The following SYNE1 variants were observed in gnomAD, a reference collection of about 807,000 sequenced individuals.
SYNE1 encodes spectrin repeat containing nuclear envelope protein 1, also known as nesprin-1.
In SYNE1, 616 loss-of-function variants were observed where a neutral mutation model predicts 1,111.0. The ratio of observed to expected loss-of-function variants is 0.55; its 90% CI spans 0.52 to 0.59. The LOEUF (loss-of-function observed/expected upper bound fraction) is 0.59, where lower values mean the gene tolerates loss of function less well. SYNE1 is among the 20% of genes least tolerant of loss of function. The probability of loss-of-function intolerance (pLI) is 0.00; values close to 1 mark genes in which losing one functional copy is unlikely to be tolerated. For synonymous variants in SYNE1, 3,855 were observed against 3,825.8 expected (o/e 1.01, Z -0.28); for missense variants, 10,006 against 10,417.0 (o/e 0.96, Z 1.72).
chr6:152,156,932 A>G (rs970610301), intron 131 of SYNE1, among the ~76,000 whole-genome samples: 1 of 151,778 alleles, frequency 6.6e-6, no homozygotes, highest in Non-Finnish European at 1.5e-5. Flanking sequence ...AGTTCAAGTG[A>G]TTTTCCTGCC....
chr6:152,447,739 A>G, intron 28 of SYNE1, 117 bp from the exon 29 acceptor site: 1 of 1,193,032 alleles, frequency 8.4e-7, no homozygotes, highest in Non-Finnish European at 1.2e-6. Flanking sequence ...GCCAGACATC[A>G]TTCAGCAATA....
Position 152,580,040 on chromosome 6 carries a change from T to C in SYNE1, c.68-40019A>G, listed in dbSNP as rs538863441. On this transcript the variant is annotated intron_variant, in intron 3 of 145. Transcript: ENST00000367255. ...TTTGGGTATATACCCAGTAATGGGATTGCTGTGTCAAATGGTAATTCTGCT... is the reference window on the plus strand; with the variant it reads ...TTTGGGTATATACCCAGTAATGGGACTGCTGTGTCAAATGGTAATTCTGCT... Among the ~76,000 whole-genome samples the C allele has an allele frequency of 1.1e-4, 17 of 152,334 alleles. No homozygotes were observed. In the East Asian group the frequency reaches 3.1e-3, roughly 28 times the overall value.
At chr6:152,604,757 T>C (rs982459872) in intron 3 of SYNE1, among the ~76,000 whole-genome samples, 10 of 150,998 alleles carry the variant, frequency 6.6e-5, no homozygotes, top group Admixed American at 2.0e-4. Flanking sequence ...CTGGGAAACA[T>C]AGTGAGGCCC....
At chr6:152,533,575 A>G (rs1360979380) in intron 4 of SYNE1, among the ~76,000 whole-genome samples, 1 of 151,792 alleles carries the variant, frequency 6.6e-6, no homozygotes, top group East Asian at 1.9e-4. Context: ...ACCTCTCATC[A>G]CCTCTACTGC....
chr6:152,255,161 A>C, intron 103 of SYNE1, 72 bp from the exon 104 acceptor site: 12 of 1,318,530 alleles, frequency 9.1e-6, no homozygotes, highest in Non-Finnish European at 1.2e-5. Flanking sequence ...TTATTTTCTC[A>C]TAGAAAGTCA....
chr6:152,374,328 T>C (rs1383120785), intron 58 of SYNE1, among the ~76,000 whole-genome samples: 1 of 152,250 alleles, frequency 6.6e-6, no homozygotes, highest in African/African-American at 2.4e-5. Flanking sequence ...CTCAAAGTTA[T>C]TTATTCTGAC....
intron 62 of SYNE1, among the ~76,000 whole-genome samples, chr6:152,366,474 C>T (rs1027935864): frequency 2.0e-5 from 3 of 152,034 alleles, no homozygotes; most frequent in African/African-American, 7.2e-5. Context: ...CCAGCCTAAG[C>T]AAGAAGGCAA....
chr6:152,520,673 T>A, intron 5 of SYNE1, 131 bp from the exon 6 acceptor site: 4 of 1,021,990 alleles, frequency 3.9e-6, no homozygotes, highest in Non-Finnish European at 5.8e-6. Flanking sequence ...GTTCACTTTC[T>A]ATAAAGGTTA....
At chr6:152,216,988 G>C (rs530618243) in intron 121 of SYNE1, among the ~76,000 whole-genome samples, 1 of 151,872 alleles carries the variant, frequency 6.6e-6, no homozygotes, top group South Asian at 2.1e-4. Flanking sequence ...GCTTGAAACT[G>C]GGAGGCAGGG....
In SYNE1 at chr6:152,364,830, G is replaced by T. The variant is rs1446169570; in HGVS notation, c.10145+17C>A. On this transcript the variant is annotated intron_variant, in intron 63 of 145. Transcript: ENST00000367255. The stretch of plus-strand genomic sequence containing the variant: ...TTAGTAATAGCTTCCCCAGTGCTTG[G>T]CTGTAGTTTCCCTCACCTTTTACAA... 1.2e-6 allele frequency: 2 copies of T among 1,614,092 alleles called. No homozygotes were observed. Among genetic ancestry groups the T allele is most frequent in the South Asian group, 2.2e-5 (2 of 91,074 alleles).
At chr6:152,390,068 T>A (rs1174594860) in intron 53 of SYNE1, among the ~76,000 whole-genome samples, 3 of 152,070 alleles carry the variant, frequency 2.0e-5, no homozygotes, top group Non-Finnish European at 2.9e-5. Context: ...TTTAAATATT[T>A]AAAAAATGCA....
At chr6:152,449,961 C>T (rs561809918) in intron 27 of SYNE1, among the ~76,000 whole-genome samples, 31 of 152,258 alleles carry the variant, frequency 2.0e-4, no homozygotes, top group African/African-American at 6.7e-4. Context: ...GGGTGAGACA[C>T]GAACCTATAG....
At chr6:152,564,467 C>A (rs1405729608) in intron 3 of SYNE1, among the ~76,000 whole-genome samples, 2 of 152,056 alleles carry the variant, frequency 1.3e-5, no homozygotes, top group Non-Finnish European at 2.9e-5. Context: ...CAGGGGCATG[C>A]CACCACACCT....
chr6:152,180,792 C>A (rs527619585), intron 128 of SYNE1, among the ~76,000 whole-genome samples: 1 of 152,030 alleles, frequency 6.6e-6, no homozygotes, highest in Non-Finnish European at 1.5e-5. Flanking sequence ...AGTGAGGAAG[C>A]GGGCAGCATC....
chr6:152,442,094 C>T lies in SYNE1; in HGVS notation c.3989G>A (p.Arg1330Lys). 1 of 1,614,150 alleles carries T rather than the reference C, an allele frequency of 6.2e-7. No homozygotes were observed. Among genetic ancestry groups the T allele is most frequent in the Non-Finnish European group, 8.5e-7 (1 of 1,180,040 alleles). ...TLDGLERSRE[R>K]QERRIQVTLR... ...TCCTACCTGGATGCGGCGTTCCTGC[C>T]TCTCCCGGCTGCGCTCCAGGCCATC... Residue 1330 changes from arginine (R) to lysine (K), a missense_variant, in exon 31 of 146, where the codon AGG becomes AAG. Physicochemically the swap from Arg to Lys is conservative, Grantham distance 26. This residue lies in a region of SYNE1 where 1,971 missense variants were observed against 2,084.1 expected (regional missense o/e 0.95). Coordinates refer to ENST00000367255, the MANE Select transcript of SYNE1 (RefSeq NM_182961.4).
At chr6:152,292,647 T>C (rs575164832) in intron 95 of SYNE1, among the ~76,000 whole-genome samples, 5 of 152,192 alleles carry the variant, frequency 3.3e-5, no homozygotes, top group Non-Finnish European at 7.3e-5. Flanking sequence ...AGATGTAAAG[T>C]AGAAGAAAGA....
chr6:152,419,818 C>T (rs2098225385), intron 39 of SYNE1, 96 bp from the exon 40 acceptor site: 1 of 1,300,120 alleles, frequency 7.7e-7, no homozygotes, highest in Admixed American at 1.8e-5. Context: ...AGGGCAAAAG[C>T]AATGTTGTCA....
rs770171807 is a variant in SYNE1, at chr6:152,220,881, A to C, written c.21822T>G (p.Ile7274Met). 2.4e-5 allele frequency: 39 copies of C among 1,613,992 alleles called. No homozygotes were observed. In the African/African-American group the frequency reaches 5.1e-4, roughly 21 times the overall value. The change falls in exon 119 of 146, where the codon ATT (isoleucine) becomes ATG (methionine). Residue 7274 changes from isoleucine to methionine, a missense_variant. By Grantham distance (10) the Ile-to-Met change is conservative (BLOSUM62 1). Coordinates refer to ENST00000367255, the MANE Select transcript of SYNE1 (RefSeq NM_182961.4). ...TCCATGTGGCAACCTCATCATCGGC[A>C]ATGTCCTTGTTTGTGGCTGCCTTCA... ...ELLKAATNKD[I>M]ADDEVATWIQ...
At chr6:152,585,540 A>T (rs1157401872) in intron 3 of SYNE1, among the ~76,000 whole-genome samples, 1 of 152,202 alleles carries the variant, frequency 6.6e-6, no homozygotes, top group Non-Finnish European at 1.5e-5. Flanking sequence ...ATTTATAAAG[A>T]CCTTTGTCTA....
Sources: allele counts gnomAD v4.1 joint callset (sites outside exome capture counted in the v4.1 genomes callset), GRCh38; gene constraint gnomAD v4.1.1; regional missense constraint gnomAD v4.1.1; transcripts MANE v1.5; gene names NCBI Gene and HGNC (gene_info 2026-07-23, HGNC 2026-07-21).